DEUP1: variants seen among roughly 807,000 people sequenced by gnomAD.
The protein encoded by DEUP1 is deuterosome assembly protein 1, also known as coiled-coil domain containing 67.
Under a neutral mutation model 87.4 loss-of-function variants are expected in DEUP1, and 82 were observed. The ratio of observed to expected loss-of-function variants is 0.94; its 90% CI spans 0.78 to 1.13. DEUP1 has a LOEUF of 1.13. Ranked by LOEUF, DEUP1 falls within the 50% of genes most tolerant of loss-of-function variation. The probability of loss-of-function intolerance (pLI) is 0.00; values close to 1 mark genes in which losing one functional copy is unlikely to be tolerated. For synonymous variants in DEUP1, 214 were observed against 222.7 expected (o/e 0.96, Z 0.35); for missense variants, 663 against 681.5 (o/e 0.97, Z 0.30).
In DEUP1 at chr11:93,437,572, T is replaced by C; in HGVS notation, c.1668T>C (p.Ser556=). ...CCCCAGATATGTCCTTCCCAGCATC[T>C]TTGGCTGCACAGCATTTCCTTCTGG... is the stretch of plus-strand genomic sequence containing the variant. ...LSPPDMSFPA[S]LAAQHFLLEE... is the part of the protein sequence containing the mutation. Residue 556 remains serine (S), a synonymous_variant, in exon 14 of 14, where the codon TCT becomes TCC. Coordinates refer to ENST00000298050, the MANE Select transcript of DEUP1 (RefSeq NM_181645.4). The C allele has an allele frequency of 6.2e-7, 1 of 1,613,606 alleles. No homozygotes were observed.
intron 5 of DEUP1, among the ~76,000 whole-genome samples, chr11:93,368,052 G>A (rs1355637253): frequency 2.6e-5 from 4 of 152,232 alleles, no homozygotes; most frequent in African/African-American, 9.6e-5. Flanking sequence ...GGCATCCCCA[G>A]AGCTATATCC....
At chr11:93,378,080 G>T (rs1481514031) in intron 7 of DEUP1, among the ~76,000 whole-genome samples, 5 of 151,996 alleles carry the variant, frequency 3.3e-5, no homozygotes, top group African/African-American at 1.2e-4. Flanking sequence ...ACGACTATGT[G>T]CCTAGGCAAT....
intron 5 of DEUP1, among the ~76,000 whole-genome samples, chr11:93,365,393 T>C (rs1945364302): frequency 6.6e-6 from 1 of 152,130 alleles, no homozygotes; most frequent in African/African-American, 2.4e-5. Flanking sequence ...TGTGTTGTAC[T>C]CCCAGGCTCT....
chr11:93,397,951 C>T (rs1432341674), intron 11 of DEUP1, among the ~76,000 whole-genome samples: 1 of 151,936 alleles, frequency 6.6e-6, no homozygotes, highest in Non-Finnish European at 1.5e-5. Context: ...TCATAACTTA[C>T]ATAAGGGCAA....
intron 13 of DEUP1, 30 bp downstream of exon 13, chr11:93,415,144 C>A: frequency 7.7e-7 from 1 of 1,297,898 alleles, no homozygotes; most frequent in Non-Finnish European, 1.1e-6. Context: ...CTTTTTTTTT[C>A]TTTAATGGGT....
At chr11:93,352,870 CATGGGA>C (rs1371966794) in intron 2 of DEUP1, among the ~76,000 whole-genome samples, 1 of 152,166 alleles carries the variant, frequency 6.6e-6, no homozygotes, top group East Asian at 1.9e-4. Flanking sequence ...TTCCACAACA[CATGGGA>C]ATTCTGGGAG....
intron 13 of DEUP1, among the ~76,000 whole-genome samples, chr11:93,418,135 T>A (rs2134459733): frequency 6.6e-6 from 1 of 152,090 alleles, no homozygotes; most frequent in East Asian, 1.9e-4. Flanking sequence ...GGACTTCATG[T>A]CTAAAACACC....
At chr11:93,408,142 C>G (rs1486003749) in intron 11 of DEUP1, 89 bp from the exon 12 acceptor site, 6 of 940,368 alleles carry the variant, frequency 6.4e-6, no homozygotes, top group East Asian at 2.9e-5. Flanking sequence ...AATGAAAGGG[C>G]CTTTCCAGCA....
At chr11:93,338,904 A>G (rs1479213830) in intron 2 of DEUP1, among the ~76,000 whole-genome samples, 2 of 152,148 alleles carry the variant, frequency 1.3e-5, no homozygotes. Flanking sequence ...ATCCAGGACT[A>G]TTTTCATAGA....
intron 7 of DEUP1, among the ~76,000 whole-genome samples, chr11:93,376,619 A>G (rs1350948601): frequency 6.6e-6 from 1 of 151,712 alleles, no homozygotes; most frequent in African/African-American, 2.4e-5. Context: ...AATTTCATTT[A>G]GTTCTGCTCT....
intron 13 of DEUP1, among the ~76,000 whole-genome samples, chr11:93,432,711 G>C: frequency 6.6e-6 from 1 of 152,142 alleles, no homozygotes; most frequent in Non-Finnish European, 1.5e-5. Context: ...GAGATGGACG[G>C]GAATAAGCAG....
At chr11:93,436,620 T>C (rs564583834) in intron 13 of DEUP1, among the ~76,000 whole-genome samples, 2 of 152,282 alleles carry the variant, frequency 1.3e-5, no homozygotes, top group South Asian at 4.1e-4. Context: ...ATTTGCATGA[T>C]CCCTAGTTTT....
Position 93,370,187 on chromosome 11 carries a change from GTAAGTTATCTAA to G in DEUP1, c.546+4_546+15del, listed in dbSNP as rs1945646215. ...ATCTGAGAAGTGTAATCAGTTTCAG[GTAAGTTATCTAA>G]TACTATTCTCTAAATCAAAAGCAGA... On this transcript the variant is annotated splice_donor_variant and splice_donor_5th_base_variant and intron_variant, in intron 6 of 13. Coordinates refer to ENST00000298050, the MANE Select transcript of DEUP1 (RefSeq NM_181645.4). LOFTEE classifies it high-confidence loss of function. 7.0e-7 allele frequency: 1 copy of G among 1,428,908 alleles called. No homozygotes were observed. The allele number at this position is 1,428,908 out of a possible 1,614,324, so 88.5% of individuals were successfully genotyped here. A position where few individuals can be genotyped will look rare whatever the true frequency, so the allele number is the denominator to read the frequency against.
chr11:93,414,839 T>C (rs1947556307), intron 12 of DEUP1, among the ~76,000 whole-genome samples, 161 bp from the exon 13 acceptor site: 1 of 152,248 alleles, frequency 6.6e-6, no homozygotes, highest in African/African-American at 2.4e-5. Context: ...ATAGAAATTA[T>C]TCATCAGGAA....
Position 93,332,248 on chromosome 11 carries a change from C to G in DEUP1, c.-12C>G. On this transcript the variant is annotated 5_prime_UTR_variant, in exon 2 of 14. Transcript: ENST00000298050. ...ATCAAGAAATATAAACCAGATGTAG[C>G]AGTTTCTTGACATGGAGAACCAAGC... 6.2e-7 allele frequency: 1 copy of G among 1,605,492 alleles called. No individual in the cohort carries two copies. The highest frequency in any genetic ancestry group is 8.5e-7 in the Non-Finnish European group (1 of 1,174,788).
chr11:93,356,846 G>T (rs1944921966), intron 3 of DEUP1, 102 bp from the exon 4 acceptor site: 7 of 724,124 alleles, frequency 9.7e-6, no homozygotes, highest in Non-Finnish European at 1.2e-5. Context: ...CTCTTGGTTT[G>T]GTACAGCCAT....
At chr11:93,358,382 T>C (rs1339523656) in intron 4 of DEUP1, among the ~76,000 whole-genome samples, 3 of 152,146 alleles carry the variant, frequency 2.0e-5, no homozygotes, top group African/African-American at 7.2e-5. Flanking sequence ...TTAATAAAAA[T>C]TTGTTCTGTG....
At chr11:93,344,589 A>G (rs980102792) in intron 2 of DEUP1, among the ~76,000 whole-genome samples, 4 of 151,816 alleles carry the variant, frequency 2.6e-5, no homozygotes, top group Admixed American at 2.0e-4. Context: ...ACCCATTTCT[A>G]TTTTAGATAT....
At chr11:93,419,872 TAAAA>T (rs1288785093) in intron 13 of DEUP1, among the ~76,000 whole-genome samples, 1 of 134,990 alleles carries the variant, frequency 7.4e-6, no homozygotes, top group African/African-American at 2.9e-5. Flanking sequence ...TAAAATAAAA[TAAAA>T]TAAAAATTAA....
Sources: allele counts gnomAD v4.1 joint callset (sites outside exome capture counted in the v4.1 genomes callset), GRCh38; gene constraint gnomAD v4.1.1; transcripts MANE v1.5; gene names NCBI Gene and HGNC (gene_info 2026-07-23, HGNC 2026-07-21).